RASGRP1: variants seen among roughly 807,000 people sequenced by gnomAD.
RASGRP1 encodes the protein RAS guanyl-releasing protein 1.
In RASGRP1, 37 loss-of-function variants were observed where a neutral mutation model predicts 95.1. That is an observed-to-expected ratio of 0.39 (90% CI 0.30 to 0.51). The LOEUF (loss-of-function observed/expected upper bound fraction) is 0.51, where lower values mean the gene tolerates loss of function less well. Ranked by LOEUF, RASGRP1 falls within the 20% of genes least tolerant of loss-of-function variation. The probability of loss-of-function intolerance (pLI) is 0.80; values close to 1 mark genes in which losing one functional copy is unlikely to be tolerated. For synonymous variants in RASGRP1, 325 were observed against 353.4 expected, an observed-to-expected ratio of 0.92 and a Z score of 0.90; for missense variants, 711 against 965.4, an observed-to-expected ratio of 0.74 and a Z score of 3.49.
intron 2 of RASGRP1, among the ~76,000 whole-genome samples, chr15:38,557,929 G>C (rs1358208317): frequency 6.6e-6 from 1 of 152,114 alleles, no homozygotes; most frequent in Non-Finnish European, 1.5e-5. Context: ...TTATTTGGCG[G>C]GAAGGACTTC....
intron 2 of RASGRP1, among the ~76,000 whole-genome samples, chr15:38,558,508 C>T (rs572259153): frequency 4.5e-4 from 68 of 152,312 alleles, no homozygotes; most frequent in Non-Finnish European, 7.4e-4. Context: ...CAATGATTCG[C>T]GAAGTGCGCT....
Position 38,542,835 on chromosome 15 carries a change from G to GTATA in RASGRP1, c.221-16435_221-16432dup, listed in dbSNP as rs769461736. Among the ~76,000 whole-genome samples, 196 of 107,182 alleles carry GTATA rather than the reference G, an allele frequency of 1.8e-3. 2 individuals carry two copies. The highest frequency in any genetic ancestry group is 2.3e-3 in the Non-Finnish European group (131 of 56,738). 70.3% of individuals were successfully genotyped at this position (107,182 alleles called of 152,430 possible). ...TTGTCAGATATATACATATATATGTGTATATATATATATGTGTATATATAT... is the reference window on the plus strand; with the variant it reads ...TTGTCAGATATATACATATATATGTGTATATATATATATATATGTGTATATATAT... On this transcript the variant is annotated intron_variant, in intron 2 of 16. Transcript: ENST00000310803.
Position 38,490,360 on chromosome 15 carries a change from T to C in RASGRP1, c.*194A>G. ...GTTTTGCATTCTTTAGTTTTCCCCC[T>C]TTGAGTCAACTAACTGAAAGAGAAA... On this transcript the variant is annotated 3_prime_UTR_variant, in exon 17 of 17. Coordinates refer to ENST00000310803, the MANE Select transcript of RASGRP1 (RefSeq NM_005739.4). 1 of 483,810 alleles carries C rather than the reference T, an allele frequency of 2.1e-6. No individual in the cohort carries two copies. The highest frequency in any genetic ancestry group is 3.3e-6 in the Non-Finnish European group (1 of 303,564). 30.0% of individuals were successfully genotyped at this position (483,810 alleles called of 1,614,324 possible).
intron 3 of RASGRP1, chr15:38,524,407 C>G (rs1595857446): frequency 6.6e-6 from 1 of 152,200 alleles, no homozygotes; most frequent in South Asian, 2.1e-4. Flanking sequence ...CTCGAAGAAG[C>G]CTCTAGATGA....
intron 2 of RASGRP1, chr15:38,534,518 C>A (rs1227143687): frequency 6.6e-6 from 1 of 152,198 alleles, no homozygotes; most frequent in Non-Finnish European, 1.5e-5. Context: ...CTGGGGGACA[C>A]CATAACATGG....
rs1257030809 is a variant in RASGRP1 at position 38,489,666 on chromosome 15, T to C, written c.*888A>G. On this transcript the variant is annotated 3_prime_UTR_variant, in exon 17 of 17. Coordinates refer to ENST00000310803, the MANE Select transcript of RASGRP1 (RefSeq NM_005739.4). ...CAAATTCATTTCAAAAAGAGAACTT[T>C]CAAAATAGTTTACTTCAGAAGAGAA... 6.6e-6 allele frequency: 1 copy of C among 152,312 alleles called. No homozygotes were observed. The highest frequency in any genetic ancestry group is 1.5e-5 in the Non-Finnish European group (1 of 67,886). 9.4% of individuals were successfully genotyped at this position (152,312 alleles called of 1,614,324 possible).
intron 2 of RASGRP1, among the ~76,000 whole-genome samples, chr15:38,537,034 T>G (rs908399533): frequency 4.7e-5 from 7 of 150,036 alleles, no homozygotes; most frequent in Non-Finnish European, 8.9e-5. Context: ...CACTATTTTG[T>G]TTTTTTTTCC....
At chr15:38,510,298 A>T (rs1192158318) in intron 8 of RASGRP1, among the ~76,000 whole-genome samples, 1 of 152,194 alleles carries the variant, frequency 6.6e-6, no homozygotes, top group Non-Finnish European at 1.5e-5. Flanking sequence ...CACCTCTGAG[A>T]TGTGGGCAAT....
intron 8 of RASGRP1, among the ~76,000 whole-genome samples, chr15:38,510,944 C>G (rs1891486772): frequency 6.6e-6 from 1 of 152,110 alleles, no homozygotes; most frequent in Non-Finnish European, 1.5e-5. Context: ...GCCTTGATGA[C>G]AGAGGAAGAC....
At chr15:38,562,343 C>G (rs1218151576) in intron 1 of RASGRP1, among the ~76,000 whole-genome samples, 1 of 152,362 alleles carries the variant, frequency 6.6e-6, no homozygotes, top group African/African-American at 2.4e-5. Flanking sequence ...CCAAAGCCCC[C>G]TTCTACAGTG....
chr15:38,512,862 C>T lies in RASGRP1; in HGVS notation c.770G>A (p.Trp257Ter). Residue 257 changes from tryptophan to a stop codon, truncating the protein, a stop_gained, in exon 7 of 17, where the codon TGG becomes TAG. Transcript: ENST00000310803. LOFTEE classifies it high-confidence loss of function. ...GCGGCTGAGAACCATCAGTTGTACC[C>T]ACTGGGAGATGCCGTTGCACAGAGC... Reference protein sequence around the residue: ...SIALCNGISQWVQLMVLSRPT... With the variant: ...SIALCNGISQ 1 of 1,613,514 alleles carries T rather than the reference C, an allele frequency of 6.2e-7. No homozygotes were observed. The highest frequency in any genetic ancestry group is 8.5e-7 in the Non-Finnish European group (1 of 1,179,712).
intron 3 of RASGRP1, among the ~76,000 whole-genome samples, chr15:38,524,741 G>C (rs1414296993): frequency 6.6e-6 from 1 of 152,162 alleles, no homozygotes; most frequent in Non-Finnish European, 1.5e-5. Context: ...ATGAAGGGGA[G>C]GTAGGGTTAA....
Position 38,498,120 on chromosome 15 carries a change from C to G in RASGRP1, c.1873+674G>C, listed in dbSNP as rs190814228. Among the ~76,000 whole-genome samples the G allele has an allele frequency of 6.4e-4, 97 of 152,318 alleles. 1 individual carries two copies. The highest frequency in any genetic ancestry group is 3.8e-3 in the Admixed American group (58 of 15,300). ...TGTCTGTGGCTAAGTCTGCTTCCTG[C>G]TGCTAAGTGACAGTCACAGTTTTTT... is the stretch of plus-strand genomic sequence containing the variant. On this transcript the variant is annotated intron_variant, in intron 15 of 16. Transcript: ENST00000310803.
chr15:38,498,313 G>C (rs1890873953), intron 15 of RASGRP1, among the ~76,000 whole-genome samples: 1 of 152,214 alleles, frequency 6.6e-6, no homozygotes, highest in African/African-American at 2.4e-5. Flanking sequence ...ACTCCTTGCA[G>C]TATGTTTCTA....
chr15:38,516,454 T>A, intron 5 of RASGRP1, 104 bp from the exon 6 acceptor site: 1 of 1,375,240 alleles, frequency 7.3e-7, no homozygotes, highest in Non-Finnish European at 1.0e-6. Flanking sequence ...AAAACACCAT[T>A]AGCTAACTTT....
At chr15:38,502,122 T>C (rs1326084113) in intron 12 of RASGRP1, among the ~76,000 whole-genome samples, 190 bp downstream of exon 12, 2 of 152,208 alleles carry the variant, frequency 1.3e-5, no homozygotes, top group Non-Finnish European at 2.9e-5. Context: ...CCCAAAGTGT[T>C]GGGATTACAG....
chr15:38,502,490 CAA>C, intron 11 of RASGRP1, 69 bp from the exon 12 acceptor site: 3 of 976,052 alleles, frequency 3.1e-6, no homozygotes, highest in East Asian at 5.1e-5. Flanking sequence ...AGTCAAATGA[CAA>C]AGAGCTGGGG....
At chr15:38,503,247 G>C (rs751106461) in intron 11 of RASGRP1, 25 bp downstream of exon 11, 1 of 1,552,922 alleles carries the variant, frequency 6.4e-7, no homozygotes, top group Non-Finnish European at 8.9e-7. Context: ...CCTAGTTTTT[G>C]TGTGCTGAAC....
At chr15:38,492,315 A>G (rs1890615099) in intron 16 of RASGRP1, among the ~76,000 whole-genome samples, 1 of 152,158 alleles carries the variant, frequency 6.6e-6, no homozygotes. Flanking sequence ...TCTTTGTACC[A>G]AGCACCAAAT....
Sources: gnomAD v4.1 joint callset for allele counts (sites outside exome capture counted in the v4.1 genomes callset) on GRCh38, gnomAD v4.1.1 for gene constraint, MANE v1.5 for transcripts, NCBI Gene and HGNC (gene_info 2026-07-23, HGNC 2026-07-21) for gene names.